FREM2: variants seen among roughly 807,000 people sequenced by gnomAD.
FREM2 encodes the protein FRAS1 related extracellular matrix 2.
Under a neutral mutation model 219.9 loss-of-function variants are expected in FREM2, and 119 were observed. That is an observed-to-expected ratio of 0.54 (90% CI 0.47 to 0.63). The LOEUF (loss-of-function observed/expected upper bound fraction) is 0.63, where lower values mean the gene tolerates loss of function less well. FREM2 is among the 30% of genes least tolerant of loss of function. The probability of loss-of-function intolerance (pLI) is 0.00; values close to 1 mark genes in which losing one functional copy is unlikely to be tolerated. For synonymous variants in FREM2, 1,562 were observed against 1,522.8 expected, an observed-to-expected ratio of 1.03 and a Z score of -0.60; for missense variants, 4,030 against 3,993.6, an observed-to-expected ratio of 1.01 and a Z score of -0.25.
intron 2 of FREM2, among the ~76,000 whole-genome samples, chr13:38,763,464 CTTTT>C (rs1163604743): frequency 2.0e-5 from 2 of 102,348 alleles, no homozygotes; most frequent in Admixed American, 1.2e-4. Context: ...GTTACTTGGG[CTTTT>C]TTTTTTTTTA....
Position 38,719,590 on chromosome 13 carries a change from T to A in FREM2, c.5263+21803T>A, listed in dbSNP as rs1398997284. ...CTCTCCTTCCACTTGAAAGGACCCT[T>A]GTGATTCTGTTGGGCTCACCCAGAC... On this transcript the variant is annotated intron_variant, in intron 2 of 23. Transcript: ENST00000280481. 7.2e-5 allele frequency among the ~76,000 whole-genome samples: 11 copies of A among 152,304 alleles called. No homozygotes were observed. The South Asian group carries it at 1.9e-3, about 26-fold the overall frequency.
rs1424349844 is a variant in FREM2, at chr13:38,690,366, G to A, written c.3022G>A (p.Asp1008Asn). The change falls in exon 1 of 24, where the codon GAC becomes AAC. Residue 1008 changes from aspartate to asparagine, a missense_variant. Transcript: ENST00000280481. Reference protein sequence around the residue: ...GIPAEQFTQRDILEGSVVYTH... With the variant: ...GIPAEQFTQRNILEGSVVYTH... ...TCCAGCAGAGCAGTTTACTCAAAGGGACATCTTGGAGGGCTCTGTTGTATA... is the reference window on the plus strand; with the variant it reads ...TCCAGCAGAGCAGTTTACTCAAAGGAACATCTTGGAGGGCTCTGTTGTATA... 3.7e-6 allele frequency: 6 copies of A among 1,614,110 alleles called. No individual in the cohort carries two copies. The highest frequency in any genetic ancestry group is 5.1e-6 in the Non-Finnish European group (6 of 1,180,052).
intron 4 of FREM2, among the ~76,000 whole-genome samples, chr13:38,771,519 C>A (rs1244350330): frequency 1.3e-5 from 2 of 152,050 alleles, no homozygotes; most frequent in African/African-American, 4.8e-5. Context: ...TATATCTAAG[C>A]AGTAGGATAT....
Position 38,784,805 on chromosome 13 carries a change from G to A in FREM2, c.6016G>A (p.Asp2006Asn), listed in dbSNP as rs1231644914. Residue 2006 changes from aspartate (D) to asparagine (N), a missense_variant, in exon 6 of 24, where the codon GAT becomes AAT. This residue lies in a region of FREM2 where 3,102 missense variants were observed against 2,950.7 expected (regional missense o/e 1.05). Transcript: ENST00000280481. ...AQVTIVPDKD[D>N]EPIFYFGDVE... ...AGTTACAATCGTTCCTGACAAAGAT[G>A]ATGGTGAGTACTAATTTACTTGAAA... 3 of 1,614,004 alleles carry A rather than the reference G, an allele frequency of 1.9e-6. No individual in the cohort carries two copies. The highest frequency in any genetic ancestry group is 2.7e-5 in the African/African-American group (2 of 74,956).
chr13:38,818,658 A>G (rs1385719467), intron 6 of FREM2, among the ~76,000 whole-genome samples: 2 of 152,056 alleles, frequency 1.3e-5, no homozygotes, highest in Admixed American at 6.6e-5. Context: ...TAACAATAAA[A>G]TATTATATAT....
chr13:38,858,645 C>T lies in FREM2; in HGVS notation c.7215+612C>T, dbSNP rs73466024. Among the ~76,000 whole-genome samples, 1,048 of 152,310 alleles carry T rather than the reference C, an allele frequency of 6.9e-3. 7 individuals are homozygous for T. The highest frequency in any genetic ancestry group is 0.024 in the African/African-American group (997 of 41,570). On this transcript the variant is annotated intron_variant, in intron 13 of 23. Coordinates refer to ENST00000280481, the MANE Select transcript of FREM2 (RefSeq NM_207361.6). ...TGACTTACTTATGTTTATATTACAA[C>T]AGCACTTCTAAAATCACTTATACAA...
At chr13:38,795,974 GTTTTCTTTCTTTCTTTCTTTCTT>G (rs1416297713) in intron 6 of FREM2, among the ~76,000 whole-genome samples, 1 of 151,796 alleles carries the variant, frequency 6.6e-6, no homozygotes, top group East Asian at 1.9e-4. Flanking sequence ...ATACACGATA[GTTTTCTTTCTTTCTTTCTTTCTT>G]TTTTCTTTCT....
In FREM2 at chr13:38,866,539, A is replaced by C. The variant is rs552120113; in HGVS notation, c.7983+1933A>C. On this transcript the variant is annotated intron_variant, in intron 16 of 23. Transcript: ENST00000280481. ...TAAAATTAGCCGGGCGTGGTGGCGC[A>C]TGCCTGTAATCCCAGCTACTCAGGA... Among the ~76,000 whole-genome samples, 4 of 150,760 alleles carry C rather than the reference A, an allele frequency of 2.7e-5. No individual in the cohort carries two copies. In the South Asian group the frequency reaches 8.5e-4, roughly 32 times the overall value.
chr13:38,826,352 G>A (rs1205163460), intron 6 of FREM2, among the ~76,000 whole-genome samples: 1 of 152,100 alleles, frequency 6.6e-6, no homozygotes, highest in African/African-American at 2.4e-5. Context: ...GTGACTGAGA[G>A]GGGGAGTGGC....
intron 6 of FREM2, among the ~76,000 whole-genome samples, chr13:38,839,180 C>G (rs1313213315): frequency 1.3e-5 from 2 of 152,114 alleles, no homozygotes; most frequent in Non-Finnish European, 2.9e-5. Context: ...GATGCTATTC[C>G]TTTCTGTTTG....
At chr13:38,763,787 G>A (rs183963927) in intron 2 of FREM2, among the ~76,000 whole-genome samples, 76 of 152,270 alleles carry the variant, frequency 5.0e-4, no homozygotes, top group Non-Finnish European at 8.5e-4. Flanking sequence ...AAGGAATGGA[G>A]TGGAATATAG....
At chr13:38,804,961 C>T (rs1020200237) in intron 6 of FREM2, among the ~76,000 whole-genome samples, 6 of 152,122 alleles carry the variant, frequency 3.9e-5, no homozygotes, top group African/African-American at 1.4e-4. Flanking sequence ...CAGCTTTCTT[C>T]TCTAGCCAAT....
intron 16 of FREM2, among the ~76,000 whole-genome samples, chr13:38,868,844 T>A (rs966029879): frequency 2.6e-5 from 4 of 152,220 alleles, no homozygotes; most frequent in African/African-American, 9.6e-5. Flanking sequence ...ACTTTTGCAT[T>A]TCAGCATTAA....
intron 2 of FREM2, among the ~76,000 whole-genome samples, chr13:38,702,198 A>G (rs554881991): frequency 2.0e-5 from 3 of 152,120 alleles, no homozygotes; most frequent in African/African-American, 7.2e-5. Flanking sequence ...AACTAAATCA[A>G]CTGCTGTGAA....
rs1012258948 is a variant in FREM2, at chr13:38,876,135, G to T, written c.8395G>T (p.Val2799Phe). 2.5e-6 allele frequency: 4 copies of T among 1,613,964 alleles called. No individual in the cohort carries two copies. The highest frequency in any genetic ancestry group is 2.2e-5 in the South Asian group (2 of 91,072). Reference protein sequence around the residue: ...YNQPVQQWSFVSDFAVRDYSG... With the variant: ...YNQPVQQWSFFSDFAVRDYSG... Reference sequence around the variant, plus strand: ...CCAGCCAGTACAGCAGTGGAGCTTTGTCTCTGACTTTGCCGTAAGTGACTA... The same window carrying T: ...CCAGCCAGTACAGCAGTGGAGCTTTTTCTCTGACTTTGCCGTAAGTGACTA... The change falls in exon 19 of 24, where the codon GTC (valine) becomes TTC (phenylalanine). Residue 2799 changes from valine to phenylalanine, a missense_variant. Val to Phe is a conservative substitution (Grantham distance 50). Coordinates refer to ENST00000280481, the MANE Select transcript of FREM2 (RefSeq NM_207361.6).
intron 6 of FREM2, among the ~76,000 whole-genome samples, chr13:38,815,299 C>G (rs1049036527): frequency 1.3e-5 from 2 of 152,096 alleles, no homozygotes; most frequent in Admixed American, 6.6e-5. Context: ...TTTGTACATG[C>G]CTTTTTCTTT....
intron 16 of FREM2, among the ~76,000 whole-genome samples, chr13:38,865,540 A>G (rs558222514): frequency 1.5e-4 from 23 of 152,296 alleles, no homozygotes; most frequent in Middle Eastern, 3.4e-3. Context: ...TTTTTGTGCT[A>G]TATTCATAAG....
intron 21 of FREM2, 55 bp downstream of exon 21, chr13:38,877,298 T>C: frequency 6.2e-7 from 1 of 1,600,592 alleles, no homozygotes; most frequent in South Asian, 1.1e-5. Flanking sequence ...TCTTTTGTGC[T>C]TTGCTTTTTG....
chr13:38,841,516 A>G (rs2137900657), intron 6 of FREM2, among the ~76,000 whole-genome samples: 1 of 152,212 alleles, frequency 6.6e-6, no homozygotes, highest in East Asian at 1.9e-4. Flanking sequence ...TAATTCTAGT[A>G]TACTTCCTAT....
Sources: allele counts gnomAD v4.1 joint callset (sites outside exome capture counted in the v4.1 genomes callset), GRCh38; gene constraint gnomAD v4.1.1; regional missense constraint gnomAD v4.1.1; transcripts MANE v1.5; gene names NCBI Gene and HGNC (gene_info 2026-07-23, HGNC 2026-07-21).